The following RFC4 variants were observed in gnomAD, a reference collection of about 807,000 sequenced individuals.
RFC4 encodes replication factor C subunit 4.
A neutral mutation model predicts 47.6 loss-of-function variants in RFC4; 38 were observed. The observed-to-expected ratio is 0.80, with a 90% CI of 0.62 to 1.05. RFC4 has a LOEUF of 1.05. Ranked by LOEUF, RFC4 falls within the 50% of genes least tolerant of loss-of-function variation. The pLI is 0.00. For synonymous variants in RFC4, 164 were observed against 150.0 expected (o/e 1.09, Z -0.68); for missense variants, 489 against 434.0 (o/e 1.13, Z -1.13).
chr3:186,792,741 T>C, intron 6 of RFC4, 63 bp downstream of exon 6: 1 of 1,558,974 alleles, frequency 6.4e-7, no homozygotes, highest in Non-Finnish European at 8.7e-7. Context: ...CTAAATTTCC[T>C]TTCCCTAATT....
intron 2 of RFC4, 128 bp downstream of exon 2, chr3:186,804,453 ATT>A: frequency 1.1e-6 from 1 of 904,526 alleles, no homozygotes; most frequent in Non-Finnish European, 1.6e-6. Context: ...TAAGTGGGTG[ATT>A]TTTTTTCAAA....
chr3:186,790,686 T>G (rs563957560), intron 8 of RFC4, among the ~76,000 whole-genome samples: 2 of 152,138 alleles, frequency 1.3e-5, no homozygotes, highest in Non-Finnish European at 2.9e-5. Flanking sequence ...GGATGAAGAT[T>G]AAGTTTTCCC....
chr3:186,796,903 AC>A lies in RFC4; in HGVS notation c.290+631del, dbSNP rs1722254339. On this transcript the variant is annotated intron_variant, in intron 4 of 10. Transcript: ENST00000296273. This position sits in a 1 kb window ranked among gnomAD's most constrained non-coding sequence, Gnocchi z 4.2. ...TCATGTATATCAGACCCAGCCCACTACACATCTTTTAACTCTAGGTAAAGGG... is the reference window on the plus strand; with the variant it reads ...TCATGTATATCAGACCCAGCCCACTAACATCTTTTAACTCTAGGTAAAGGG... 6.6e-6 allele frequency among the ~76,000 whole-genome samples: 1 copy of A among 152,204 alleles called. No homozygotes were observed. The highest frequency in any genetic ancestry group is 2.1e-4 in the South Asian group (1 of 4,836).
chr3:186,804,184 A>G (rs896332045), intron 2 of RFC4, among the ~76,000 whole-genome samples: 12 of 152,160 alleles, frequency 7.9e-5, no homozygotes, highest in Admixed American at 1.3e-4. Context: ...CTCCGTCTCA[A>G]AAATAGTAAT....
intron 4 of RFC4, 98 bp from the exon 5 acceptor site, chr3:186,794,875 G>T: frequency 7.7e-7 from 1 of 1,301,446 alleles, no homozygotes; most frequent in Non-Finnish European, 1.1e-6. Context: ...AATCCACCTA[G>T]TAAACAACAT....
Position 186,790,417 on chromosome 3 carries a change from G to A in RFC4, c.802-11C>T, listed in dbSNP as rs748357290. ...CTCAGCTGGTATTACCTAGGTAATT[G>A]AATGTTCGGTATTAAAGATGTTTCT... On this transcript the variant is annotated splice_polypyrimidine_tract_variant and intron_variant, in intron 8 of 10. Transcript: ENST00000296273. 4 of 1,584,140 alleles carry A rather than the reference G, an allele frequency of 2.5e-6. No homozygotes were observed. The highest frequency in any genetic ancestry group is 2.7e-5 in the African/African-American group (2 of 74,294).
intron 8 of RFC4, among the ~76,000 whole-genome samples, chr3:186,791,058 C>T (rs190601090): frequency 6.7e-6 from 1 of 150,314 alleles, no homozygotes; most frequent in African/African-American, 2.5e-5. Context: ...GTGGGGTACT[C>T]CATTCTCTTT....
intron 6 of RFC4, 37 bp from the exon 7 acceptor site, chr3:186,792,647 G>GA: frequency 6.3e-7 from 1 of 1,590,696 alleles, no homozygotes; most frequent in Non-Finnish European, 8.6e-7. Context: ...GGTGTCTAAA[G>GA]AAAGAATTTC....
In RFC4 at chr3:186,804,737, A is replaced by C; in HGVS notation, c.-11-13T>G. The C allele has an allele frequency of 6.3e-7, 1 of 1,587,848 alleles. No individual in the cohort carries two copies. The highest frequency in any genetic ancestry group is 8.6e-7 in the Non-Finnish European group (1 of 1,167,956). ...ATGGTACTTCACCCTGGTCAGGTGC[A>C]AGACAGAAAAAAAAAGCTTTTATTG... On this transcript the variant is annotated splice_polypyrimidine_tract_variant and intron_variant, in intron 1 of 10. Coordinates refer to ENST00000296273, the MANE Select transcript of RFC4 (RefSeq NM_002916.5).
chr3:186,792,807 C>A lies in RFC4; in HGVS notation c.551G>T (p.Ser184Ile), dbSNP rs1449056932. 6.2e-7 allele frequency: 1 copy of A among 1,612,230 alleles called. No homozygotes were observed. Among genetic ancestry groups the A allele is most frequent in the Non-Finnish European group, 8.5e-7 (1 of 1,179,364 alleles). ...TRFCLICNYV[S>I]RIIEPLTSRC... ...GTCTTCAGGGCAATATACATACCGA[C>A]TGACATAGTTACAGATAAGACAGAA... is the stretch of plus-strand genomic sequence containing the variant. Residue 184 changes from serine to isoleucine, a missense_variant, in exon 6 of 11, where the codon AGT becomes ATT. Around this residue, in one of 2 missense-constraint regions of RFC4, gnomAD observed 206 missense variants for 257.8 expected, o/e 0.80. Coordinates refer to ENST00000296273, the MANE Select transcript of RFC4 (RefSeq NM_002916.5).
rs143931373 is a variant in RFC4 at position 186,803,409 on chromosome 3, C to T, written c.131+1174G>A. Among the ~76,000 whole-genome samples the T allele has an allele frequency of 6.6e-5, 10 of 152,212 alleles. No individual in the cohort carries two copies. In the South Asian group the frequency reaches 1.0e-3, roughly 16 times the overall value. ...ACAAAAAACATATGAGGGCCTTACTCGGCCTATAAGTAATCTGTAAACATT... is the reference window on the plus strand; with the variant it reads ...ACAAAAAACATATGAGGGCCTTACTTGGCCTATAAGTAATCTGTAAACATT... On this transcript the variant is annotated intron_variant, in intron 2 of 10. Transcript: ENST00000296273.
chr3:186,806,211 A>G (rs1048213250), intron 1 of RFC4, 79 bp downstream of exon 1: 2 of 152,152 alleles, frequency 1.3e-5, no homozygotes, highest in African/African-American at 2.4e-5. Context: ...GCCCCGAAGG[A>G]GGTGGAAGAC....
chr3:186,804,969 A>G, intron 1 of RFC4: 1 of 345,430 alleles, frequency 2.9e-6, no homozygotes, highest in Non-Finnish European at 5.2e-6. Flanking sequence ...CGAACTTAGA[A>G]TCTATTTCTA....
chr3:186,794,815 A>G (rs777138512), intron 4 of RFC4, 38 bp from the exon 5 acceptor site: 1 of 1,608,582 alleles, frequency 6.2e-7, no homozygotes, highest in Non-Finnish European at 8.5e-7. Flanking sequence ...CATAGAGCAC[A>G]AGTAGGCTTA....
chr3:186,803,114 A>G (rs1402122960), intron 2 of RFC4, among the ~76,000 whole-genome samples: 2 of 152,196 alleles, frequency 1.3e-5, no homozygotes, highest in East Asian at 1.9e-4. Context: ...AGGCCAAGGC[A>G]GGCAGATCAC....
In RFC4 at chr3:186,804,722, A is replaced by G. The variant is rs1269210563; in HGVS notation, c.-9T>C. ...TTAAGAAATGCTTGCATGGTACTTC[A>G]CCCTGGTCAGGTGCAAGACAGAAAA... On this transcript the variant is annotated splice_region_variant and 5_prime_UTR_variant, in exon 2 of 11. Coordinates refer to ENST00000296273, the MANE Select transcript of RFC4 (RefSeq NM_002916.5). 1 of 1,609,816 alleles carries G rather than the reference A, an allele frequency of 6.2e-7. No individual in the cohort carries two copies. The highest frequency in any genetic ancestry group is 1.3e-5 in the African/African-American group (1 of 74,878).
intron 4 of RFC4, among the ~76,000 whole-genome samples, chr3:186,795,098 G>A (rs1357181863): frequency 1.3e-5 from 2 of 152,190 alleles, no homozygotes; most frequent in Non-Finnish European, 2.9e-5. Flanking sequence ...TTGAACTCCT[G>A]GGCTCAAATG....
intron 2 of RFC4, among the ~76,000 whole-genome samples, chr3:186,801,857 C>T (rs1052774751): frequency 6.7e-6 from 1 of 150,076 alleles, no homozygotes; most frequent in Non-Finnish European, 1.5e-5. Context: ...AACACTGTCT[C>T]TACTAAAAAT....
intron 8 of RFC4, chr3:186,791,396 G>A: frequency 3.6e-6 from 1 of 277,218 alleles, no homozygotes; most frequent in South Asian, 3.7e-5. Flanking sequence ...GGGTGAGGCG[G>A]GAGGTGGAGG....
Sources: gnomAD v4.1 joint callset for allele counts (sites outside exome capture counted in the v4.1 genomes callset) on GRCh38, gnomAD v4.1.1 for gene constraint, gnomAD v4.1.1 regional missense constraint, Gnocchi (gnomAD v3.1) non-coding constraint, MANE v1.5 for transcripts, NCBI Gene and HGNC (gene_info 2026-07-23, HGNC 2026-07-21) for gene names.